NLRP5: variants seen among roughly 807,000 people sequenced by gnomAD.
NLRP5 encodes NACHT, LRR and PYD domains-containing protein 5.
Under a neutral mutation model 113.1 loss-of-function variants are expected in NLRP5, and 93 were observed. The ratio of observed to expected loss-of-function variants is 0.82; its 90% confidence interval spans 0.70 to 0.98. NLRP5 has a LOEUF of 0.98. Among genes scored for constraint, NLRP5 ranks in the 50% least tolerant of loss-of-function variants. NLRP5 has a pLI of 0.00. For missense variants in NLRP5, 1,808 were observed against 1,514.3 expected (o/e 1.19, Z -3.22); for synonymous variants, 751 against 600.7 (o/e 1.25, Z -3.66).
upstream of NLRP5, among the ~76,000 whole-genome samples, chr19:55,996,957 G>A (rs1335210131): frequency 1.3e-5 from 2 of 152,164 alleles, no homozygotes; most frequent in Admixed American, 6.5e-5. Context: ...CACCAACAGC[G>A]TAAAAGTGTT....
the NLRP5 span, among the ~76,000 whole-genome samples, chr19:55,991,948 A>G: frequency 6.6e-6 from 1 of 152,110 alleles, no homozygotes; most frequent in Non-Finnish European, 1.5e-5. Context: ...GGTTTGTTAT[A>G]CATACTATTT....
At chr19:55,990,598 G>T in the NLRP5 span, among the ~76,000 whole-genome samples, 1 of 151,894 alleles carries the variant, frequency 6.6e-6, no homozygotes, top group East Asian at 2.0e-4. Context: ...AGGCCCAGGC[G>T]GGTGGATCAT....
At chr19:56,016,052 C>T (rs1241764068) in intron 4 of NLRP5, among the ~76,000 whole-genome samples, 3 of 152,122 alleles carry the variant, frequency 2.0e-5, no homozygotes, top group Non-Finnish European at 2.9e-5. Context: ...ACTTATGGGG[C>T]GTGAGGTTTC....
chr19:56,033,622 A>G lies in NLRP5; in HGVS notation c.2528A>G (p.Asn843Ser). 6.2e-7 allele frequency: 1 copy of G among 1,613,712 alleles called. No homozygotes were observed. Among genetic ancestry groups the G allele is most frequent in the African/African-American group, 1.3e-5 (1 of 75,032 alleles). Reference sequence around the variant, plus strand: ...GCCAACCGTAACCTAAGATCCCTCAACTTGGGAGGCACCCACCTGAAGGAA... The same window carrying G: ...GCCAACCGTAACCTAAGATCCCTCAGCTTGGGAGGCACCCACCTGAAGGAA... Residue 843 changes from asparagine to serine, a missense_variant, in exon 9 of 15, where the codon AAC (asparagine) becomes AGC (serine). Transcript: ENST00000390649.
chr19:56,034,088 G>A (rs913363030), intron 9 of NLRP5, among the ~76,000 whole-genome samples: 5 of 152,092 alleles, frequency 3.3e-5, no homozygotes, highest in African/African-American at 1.2e-4. Flanking sequence ...ATTGTATAGA[G>A]GTTGAATGTG....
intron 3 of NLRP5, among the ~76,000 whole-genome samples, chr19:56,011,176 C>A (rs961967800): frequency 4.1e-5 from 6 of 147,872 alleles, no homozygotes; most frequent in African/African-American, 1.3e-4. Context: ...TACACACATA[C>A]ATTAATGTAT....
intron 7 of NLRP5, among the ~76,000 whole-genome samples, chr19:56,030,738 G>A (rs1479545337): frequency 4.6e-3 from 3 of 652 alleles, no homozygotes; most frequent in South Asian, 0.033. Context: ...TTTTTGAGAC[G>A]GAGTCTTGCT....
chr19:56,035,028 T>A (rs1474331394), intron 9 of NLRP5, among the ~76,000 whole-genome samples: 1 of 152,210 alleles, frequency 6.6e-6, no homozygotes, highest in East Asian at 1.9e-4. Flanking sequence ...AACGTCCACC[T>A]CCCTGGTTCA....
intron 11 of NLRP5, among the ~76,000 whole-genome samples, chr19:56,043,721 CA>C (rs1463257108): frequency 1.3e-5 from 2 of 151,386 alleles, no homozygotes; most frequent in Non-Finnish European, 2.9e-5. Flanking sequence ...TACAGGCGCC[CA>C]CCACCACACC....
chr19:56,057,011 T>C (rs398599), intron 13 of NLRP5, among the ~76,000 whole-genome samples: 96,276 of 151,704 alleles, frequency 0.63, 31,039 homozygotes, highest in African/African-American at 0.76. Context: ...TGGCAGGCGC[T>C]TGTAATCCCA....
the NLRP5 span, among the ~76,000 whole-genome samples, chr19:55,992,166 A>G: frequency 6.6e-6 from 1 of 152,278 alleles, no homozygotes; most frequent in East Asian, 1.9e-4. Context: ...GATGGCCCCC[A>G]GTTCCATCCA....
rs1982924065 is a variant in NLRP5, at chr19:56,027,719, C to T, written c.1486C>T (p.Gln496Ter). 1.2e-6 allele frequency: 2 copies of T among 1,613,572 alleles called. No individual in the cohort carries two copies. The highest frequency in any genetic ancestry group is 1.7e-6 in the Non-Finnish European group (2 of 1,179,874). ...GGGGGAGAGCGTCGCCCCCTTCAACCAAACGCTCACAGGCCTGCACGCCGC... is the reference window on the plus strand; with the variant it reads ...GGGGGAGAGCGTCGCCCCCTTCAACTAAACGCTCACAGGCCTGCACGCCGC... Residue 496 changes from glutamine (Q) to a stop codon, truncating the protein, a stop_gained, in exon 7 of 15, where the codon CAA (glutamine) becomes TAA (stop). Coordinates refer to ENST00000390649, the MANE Select transcript of NLRP5 (RefSeq NM_153447.4). LOFTEE classifies it high-confidence loss of function.
intron 13 of NLRP5, among the ~76,000 whole-genome samples, chr19:56,055,743 C>T (rs1984120923): frequency 6.6e-6 from 1 of 151,430 alleles, no homozygotes; most frequent in Non-Finnish European, 1.5e-5. Context: ...GACGGGGTTT[C>T]ACCGTGTTAG....
chr19:56,024,138 A>G (rs897980327), intron 6 of NLRP5, among the ~76,000 whole-genome samples: 2 of 152,030 alleles, frequency 1.3e-5, no homozygotes, highest in Non-Finnish European at 2.9e-5. Flanking sequence ...TAAAATAATT[A>G]TAGTTTGTGA....
the NLRP5 span, among the ~76,000 whole-genome samples, chr19:55,987,598 G>T: frequency 7.2e-5 from 11 of 152,312 alleles, no homozygotes; most frequent in South Asian, 1.0e-3. Flanking sequence ...GGCTTGCCTG[G>T]GGTAGAAAGC....
upstream of NLRP5, among the ~76,000 whole-genome samples, chr19:55,998,732 G>GTATATATATATATGTGTGTA (rs1196005656): frequency 1.5e-5 from 2 of 135,064 alleles, no homozygotes; most frequent in Admixed American, 1.5e-4. Context: ...ATATATATGT[G>GTATATATATATATGTGTGTA]TATATATATA....
chr19:56,056,237 A>C (rs779033939), intron 13 of NLRP5, among the ~76,000 whole-genome samples: 5 of 152,146 alleles, frequency 3.3e-5, no homozygotes, highest in Admixed American at 6.5e-5. Flanking sequence ...TATGATCTGC[A>C]CCAGTACACA....
chr19:55,995,506 T>C (rs1020783584), upstream of NLRP5, among the ~76,000 whole-genome samples: 4 of 152,244 alleles, frequency 2.6e-5, no homozygotes, highest in African/African-American at 7.2e-5. Context: ...TTGGTTACTA[T>C]AGCTTTGTGA....
chr19:56,027,155 C>T lies in NLRP5; in HGVS notation c.922C>T (p.Leu308Phe), dbSNP rs566875068. Residue 308 changes from leucine to phenylalanine, a missense_variant, in exon 7 of 15, where the codon CTC becomes TTC. Leu to Phe is a conservative substitution (Grantham distance 22). Transcript: ENST00000390649. ...CGTGCTGTGCTGGGCGCAAGGTGGA[C>T]TCTACCAGGGAATGTTCTCCTACGT... 2 of 1,603,286 alleles carry T rather than the reference C, an allele frequency of 1.2e-6. No homozygotes were observed. Among genetic ancestry groups the T allele is most frequent in the African/African-American group, 1.3e-5 (1 of 74,728 alleles).
Sources: gnomAD v4.1 joint callset for allele counts (sites outside exome capture counted in the v4.1 genomes callset) on GRCh38, gnomAD v4.1.1 for gene constraint, MANE v1.5 for transcripts, NCBI Gene and HGNC (gene_info 2026-07-23, HGNC 2026-07-21) for gene names.